Variants in ZC3H12B observed in about 807,000 individuals in gnomAD.
ZC3H12B encodes the protein zinc finger CCCH-type containing 12B.
ZC3H12B carries 7 observed loss-of-function variants against 43.9 expected under a neutral mutation model. The ratio of observed to expected loss-of-function variants is 0.16; its 90% CI spans 0.09 to 0.30. ZC3H12B has a LOEUF of 0.30. Ranked by LOEUF, ZC3H12B falls within the 10% of genes least tolerant of loss-of-function variation. The probability of loss-of-function intolerance (pLI) is 1.00; values close to 1 mark genes in which losing one functional copy is unlikely to be tolerated. For synonymous variants in ZC3H12B, 222 were observed against 241.7 expected (o/e 0.92, Z 0.76); for missense variants, 475 against 670.2 (o/e 0.71, Z 3.22).
the ZC3H12B span, among the ~76,000 whole-genome samples, chrX:65,241,521 T>C: frequency 3.8e-4 from 43 of 111,773 alleles, no homozygotes; most frequent in African/African-American, 1.3e-3. Flanking sequence ...GTTGCTGAAA[T>C]TCCCACAGGG....
At chrX:65,352,606 C>T in the ZC3H12B span, among the ~76,000 whole-genome samples, 1 of 111,690 alleles carries the variant, frequency 9.0e-6, no homozygotes, top group South Asian at 3.7e-4. Flanking sequence ...CTAAAACTCA[C>T]TAAGCTTTAT....
At chrX:65,072,182 C>A in the ZC3H12B span, among the ~76,000 whole-genome samples, 10 of 111,917 alleles carry the variant, frequency 8.9e-5, no homozygotes, top group East Asian at 2.8e-3. Flanking sequence ...TTCTGACTGT[C>A]TTATTTCAGA....
the ZC3H12B span, among the ~76,000 whole-genome samples, chrX:65,064,100 C>A: frequency 6.3e-5 from 7 of 111,771 alleles, no homozygotes; most frequent in East Asian, 2.8e-4. Flanking sequence ...TTTCAAAAAA[C>A]CAGCTTCTGG....
the ZC3H12B span, chrX:65,357,221 A>G: frequency 2.6e-6 from 1 of 390,466 alleles, no homozygotes; most frequent in Non-Finnish European, 4.7e-6. Context: ...AATAGATTTC[A>G]TGAGAATATC....
chrX:65,124,574 T>A, the ZC3H12B span, among the ~76,000 whole-genome samples: 1 of 111,220 alleles, frequency 9.0e-6, no homozygotes, highest in Non-Finnish European at 1.9e-5. Context: ...CAGTTCTCCA[T>A]TGAATATCTC....
At chrX:65,058,780 C>T in the ZC3H12B span, among the ~76,000 whole-genome samples, 5 of 112,072 alleles carry the variant, frequency 4.5e-5, no homozygotes, top group Admixed American at 9.4e-5. Flanking sequence ...CAGTGGCGGC[C>T]GCTCTTCCCC....
At chrX:65,104,241 T>C in the ZC3H12B span, among the ~76,000 whole-genome samples, 1 of 112,048 alleles carries the variant, frequency 8.9e-6, no homozygotes, top group Admixed American at 9.5e-5. Flanking sequence ...ACTGGACCCC[T>C]TCCTTACACC....
At chrX:65,267,247 A>G in the ZC3H12B span, among the ~76,000 whole-genome samples, 1 of 107,356 alleles carries the variant, frequency 9.3e-6, no homozygotes, top group Non-Finnish European at 1.9e-5. Context: ...TATGTTTAAA[A>G]CACTAGCTGG....
chrX:65,229,884 A>C, the ZC3H12B span, among the ~76,000 whole-genome samples: 1 of 110,536 alleles, frequency 9.0e-6, no homozygotes, highest in Non-Finnish European at 1.9e-5. Context: ...GTCAGGAAAC[A>C]ACAGGTGCTG....
chrX:65,348,168 C>T, the ZC3H12B span, among the ~76,000 whole-genome samples: 15 of 111,841 alleles, frequency 1.3e-4, no homozygotes, highest in Admixed American at 7.5e-4. Context: ...CAACATGGCA[C>T]ATGTATACAT....
the ZC3H12B span, among the ~76,000 whole-genome samples, chrX:65,137,041 T>A: frequency 2.7e-5 from 3 of 112,043 alleles, no homozygotes; most frequent in Non-Finnish European, 5.6e-5. Context: ...GAAATATAAT[T>A]TAATAAAACA....
chrX:65,224,019 C>A, the ZC3H12B span, among the ~76,000 whole-genome samples: 3 of 112,052 alleles, frequency 2.7e-5, no homozygotes, highest in Non-Finnish European at 5.6e-5. Context: ...TATAGCAGCA[C>A]AATTCACAAT....
At chrX:65,238,058 T>A in the ZC3H12B span, among the ~76,000 whole-genome samples, 1 of 111,748 alleles carries the variant, frequency 8.9e-6, no homozygotes, top group African/African-American at 3.3e-5. Flanking sequence ...ATCAGGATGA[T>A]GTTAGCCTCA....
chrX:65,347,638 G>A, the ZC3H12B span, among the ~76,000 whole-genome samples: 1 of 112,094 alleles, frequency 8.9e-6, no homozygotes, highest in African/African-American at 3.2e-5. Context: ...ACTGTTGGTG[G>A]GACTGTAAAC....
chrX:65,194,876 T>C, the ZC3H12B span, among the ~76,000 whole-genome samples: 378 of 112,204 alleles, frequency 3.4e-3, 3 homozygotes, highest in African/African-American at 0.011. Context: ...TATTTAAAAT[T>C]GTGATATCTT....
chrX:65,232,753 A>C, the ZC3H12B span, among the ~76,000 whole-genome samples: 3 of 111,140 alleles, frequency 2.7e-5, no homozygotes, highest in East Asian at 2.8e-4. Flanking sequence ...CAATATTAAC[A>C]TTGAATGTAA....
At chrX:65,501,951 G>T (rs772301214) in exon 5 of ZC3H12B, 17 of 1,210,944 alleles carry the variant, frequency 1.4e-5, no homozygotes, top group East Asian at 1.2e-4. Flanking sequence ...GGGATGTCTA[G>T]TGCCAAAGGT....
chrX:65,227,539 G>A, the ZC3H12B span, among the ~76,000 whole-genome samples: 1 of 110,893 alleles, frequency 9.0e-6, no homozygotes, highest in East Asian at 2.8e-4. Flanking sequence ...AATCAGAGCA[G>A]AACTGAAGGA....
At chrX:65,403,114 T>A (rs1431600237) in intron 3 of ZC3H12B, among the ~76,000 whole-genome samples, 2 of 112,158 alleles carry the variant, frequency 1.8e-5, no homozygotes, top group Admixed American at 1.9e-4. Context: ...TTTATCAGAT[T>A]AATTTTTCAG....
Sources: allele counts gnomAD v4.1 joint callset (sites outside exome capture counted in the v4.1 genomes callset), GRCh38; gene constraint gnomAD v4.1.1; transcripts MANE v1.5; gene names NCBI Gene and HGNC (gene_info 2026-07-23, HGNC 2026-07-21).